Variants in LRIG1 observed in about 807,000 individuals in gnomAD.
LRIG1 encodes leucine rich repeats and immunoglobulin like domains 1.
LRIG1 carries 48 observed loss-of-function variants against 99.2 expected under a neutral mutation model. That is an observed-to-expected ratio of 0.48 (90% confidence interval 0.38 to 0.62). The LOEUF is 0.62. Ranked by LOEUF, LRIG1 falls within the 20% of genes least tolerant of loss-of-function variation. The pLI is 0.00. For missense variants in LRIG1, 1,646 were observed against 1,434.4 expected (o/e 1.15, Z -2.38); for synonymous variants, 772 against 596.1 (o/e 1.29, Z -4.30).
rs770675125 is a variant in LRIG1, at chr3:66,405,742, C to T, written c.1080-464G>A. ...ACCCGGCACAGGGCCGGCCCGTGGG[C>T]GCCTCCGTACCAGCCAGTGGGTCTG... is the stretch of plus-strand genomic sequence containing the variant. On this transcript the variant is annotated intron_variant, in intron 8 of 18. Coordinates refer to ENST00000273261, the MANE Select transcript of LRIG1 (RefSeq NM_015541.3). The T allele has an allele frequency of 4.4e-4, 487 of 1,117,364 alleles. 1 individual carries two copies. Among genetic ancestry groups the T allele is most frequent in the Admixed American group, 2.6e-3 (60 of 23,338 alleles). The allele number at this position is 1,117,364 out of a possible 1,614,324, so 69.2% of individuals were successfully genotyped here. A position where few individuals can be genotyped will look rare whatever the true frequency, so the allele number is the denominator to read the frequency against.
chr3:66,476,070 G>A (rs1700716482), intron 1 of LRIG1, among the ~76,000 whole-genome samples: 1 of 152,172 alleles, frequency 6.6e-6, no homozygotes, highest in Admixed American at 6.5e-5. Flanking sequence ...ATGTATTTCA[G>A]AACTACCTAT....
At chr3:66,430,177 AC>A (rs1004612789) in intron 3 of LRIG1, among the ~76,000 whole-genome samples, 4 of 128,064 alleles carry the variant, frequency 3.1e-5, no homozygotes, top group African/African-American at 1.3e-4. Context: ...AAACAAAACA[AC>A]AACAACAACA....
intron 1 of LRIG1, chr3:66,469,125 T>C (rs951237498): frequency 1.3e-5 from 2 of 152,182 alleles, no homozygotes; most frequent in Non-Finnish European, 2.9e-5. Context: ...TATCCAAGGA[T>C]CTCCACTCAG....
At chr3:66,440,672 C>G (rs889621057) in intron 3 of LRIG1, among the ~76,000 whole-genome samples, 57 of 152,288 alleles carry the variant, frequency 3.7e-4, no homozygotes, top group African/African-American at 1.3e-3. Flanking sequence ...CCCACAACCC[C>G]AAAGGTGCTC....
chr3:66,492,058 G>T (rs576889218), intron 1 of LRIG1, among the ~76,000 whole-genome samples: 55 of 152,294 alleles, frequency 3.6e-4, no homozygotes, highest in Non-Finnish European at 5.0e-4. Flanking sequence ...CTAATCAGTT[G>T]TAAGTTTTCT....
chr3:66,422,513 T>C (rs1397590660), intron 3 of LRIG1, among the ~76,000 whole-genome samples: 3 of 152,196 alleles, frequency 2.0e-5, no homozygotes, highest in Admixed American at 6.5e-5. Context: ...TTTGCTCTAG[T>C]TCCCAACAAT....
intron 14 of LRIG1, among the ~76,000 whole-genome samples, chr3:66,383,634 C>CCTAA (rs1701218150): frequency 6.6e-6 from 1 of 152,172 alleles, no homozygotes; most frequent in Admixed American, 6.5e-5. Flanking sequence ...CCTGCTATTC[C>CCTAA]CTAACTGTCC....
chr3:66,474,439 T>C (rs1288077215), intron 1 of LRIG1, among the ~76,000 whole-genome samples: 1 of 151,588 alleles, frequency 6.6e-6, no homozygotes, highest in Non-Finnish European at 1.5e-5. Flanking sequence ...CCTGCCTCCC[T>C]GGTTCAAGTG....
At chr3:66,436,247 G>A (rs962029431) in intron 3 of LRIG1, among the ~76,000 whole-genome samples, 4 of 152,238 alleles carry the variant, frequency 2.6e-5, no homozygotes, top group African/African-American at 7.2e-5. Context: ...AGTGGCAGAC[G>A]CAGGTTGCCA....
At position 66,380,092 on chromosome 3, in the gene LRIG1, C is replaced by A. The variant is rs772191919; in HGVS notation, c.*171G>T. 1 of 551,538 alleles carries A rather than the reference C, an allele frequency of 1.8e-6. No individual in the cohort carries two copies. The highest frequency in any genetic ancestry group is 3.2e-6 in the Non-Finnish European group (1 of 316,504). 34.2% of individuals were successfully genotyped at this position (551,538 alleles called of 1,614,324 possible). On this transcript the variant is annotated 3_prime_UTR_variant, in exon 19 of 19. Transcript: ENST00000273261. ...TTTTTTTGCCTTTTGTACACAAATC[C>A]CCTCTTGCGTTTACTGTGCTTCAGA...
In LRIG1 at chr3:66,419,943, C is replaced by T. The variant is rs566845232; in HGVS notation, c.366-2677G>A. 3.3e-5 allele frequency among the ~76,000 whole-genome samples: 5 copies of T among 152,324 alleles called. No homozygotes were observed. The South Asian group carries it at 1.0e-3, about 32-fold the overall frequency. Reference sequence around the variant, plus strand: ...GGGCTACTGACTAGACCTTCCCTTCCATCCTTGCCCACTTACAGTCTATTC... The same window carrying T: ...GGGCTACTGACTAGACCTTCCCTTCTATCCTTGCCCACTTACAGTCTATTC... On this transcript the variant is annotated intron_variant, in intron 3 of 18. Transcript: ENST00000273261.
At chr3:66,408,996 G>C (rs1373282911) in intron 7 of LRIG1, among the ~76,000 whole-genome samples, 1 of 148,576 alleles carries the variant, frequency 6.7e-6, no homozygotes, top group Non-Finnish European at 1.5e-5. Flanking sequence ...GGGAAGGAAG[G>C]ACAGGGAGAG....
intron 5 of LRIG1, 106 bp downstream of exon 5, chr3:66,414,814 C>T: frequency 2.6e-6 from 3 of 1,165,192 alleles, no homozygotes; most frequent in East Asian, 2.6e-5. Context: ...GAGAGCTTTA[C>T]CAAATGGAGC....
intron 3 of LRIG1, among the ~76,000 whole-genome samples, chr3:66,431,458 G>A (rs1389027353): frequency 6.6e-6 from 1 of 152,208 alleles, no homozygotes; most frequent in Non-Finnish European, 1.5e-5. Context: ...TCAGGAGGCT[G>A]CCATGCATGG....
At chr3:66,465,317 T>C (rs79679258) in intron 1 of LRIG1, among the ~76,000 whole-genome samples, 1,674 of 152,118 alleles carry the variant, frequency 0.011, 21 homozygotes, top group African/African-American at 0.038. Flanking sequence ...CAGAGACACT[T>C]TCTTGTTGGC....
At position 66,433,506 on chromosome 3, in the gene LRIG1, A is replaced by G. The variant is rs564130205; in HGVS notation, c.366-16240T>C. 2.0e-5 allele frequency among the ~76,000 whole-genome samples: 3 copies of G among 152,338 alleles called. No homozygotes were observed. The South Asian group carries it at 6.2e-4, about 32-fold the overall frequency. On this transcript the variant is annotated intron_variant, in intron 3 of 18. Coordinates refer to ENST00000273261, the MANE Select transcript of LRIG1 (RefSeq NM_015541.3). ...AGGCAAAGGAGGAAGCTGTTTCAGC[A>G]CTTGGCTGCAGCCTCTAAGACAAGA...
chr3:66,405,078 AG>A (rs1403621233), intron 9 of LRIG1, 119 bp downstream of exon 9: 1 of 818,976 alleles, frequency 1.2e-6, no homozygotes, highest in Non-Finnish European at 2.0e-6. Flanking sequence ...CCCAAACAAA[AG>A]CCAGCTCCTC....
chr3:66,410,419 A>T, intron 6 of LRIG1, 147 bp from the exon 7 acceptor site: 1 of 726,222 alleles, frequency 1.4e-6, no homozygotes, highest in Admixed American at 2.8e-5. Flanking sequence ...CTAGTCGCAC[A>T]CATGTGCATG....
chr3:66,416,747 C>A (rs892333281), intron 4 of LRIG1, among the ~76,000 whole-genome samples: 2 of 152,194 alleles, frequency 1.3e-5, no homozygotes, highest in East Asian at 1.9e-4. Flanking sequence ...CAATGTGAAT[C>A]CTCTAACCAT....
Sources: gnomAD v4.1 joint callset for allele counts (sites outside exome capture counted in the v4.1 genomes callset) on GRCh38, gnomAD v4.1.1 for gene constraint, MANE v1.5 for transcripts, NCBI Gene and HGNC (gene_info 2026-07-23, HGNC 2026-07-21) for gene names.